IRF2: variants seen among roughly 807,000 people sequenced by gnomAD.
The protein encoded by IRF2 is interferon regulatory factor 2.
In IRF2, 15 loss-of-function variants were observed where a neutral mutation model predicts 40.6. That is an observed-to-expected ratio of 0.37 (90% confidence interval 0.25 to 0.57). The LOEUF is 0.57. Among genes scored for constraint, IRF2 ranks in the 20% least tolerant of loss-of-function variants. The pLI, the probability that IRF2 is intolerant of heterozygous loss-of-function variation, is 0.77. For missense variants in IRF2, 317 were observed against 455.7 expected (o/e 0.70, Z 2.77); for synonymous variants, 151 against 165.5 (o/e 0.91, Z 0.67).
chr4:184,389,686 GC>G (rs889285949), intron 8 of IRF2, among the ~76,000 whole-genome samples: 2 of 152,130 alleles, frequency 1.3e-5, no homozygotes, highest in African/African-American at 4.8e-5. Flanking sequence ...GAAGGCAGCA[GC>G]TTGGTTTCTG....
chr4:184,407,819 C>G (rs17488073), intron 6 of IRF2, among the ~76,000 whole-genome samples: 15,239 of 152,284 alleles, frequency 0.1, 1,056 homozygotes, highest in Non-Finnish European at 0.15. Flanking sequence ...ACCATCTTCC[C>G]TCTCCTTGGT....
At chr4:184,449,959 G>T (rs1433886124) in intron 1 of IRF2, among the ~76,000 whole-genome samples, 1 of 152,204 alleles carries the variant, frequency 6.6e-6, no homozygotes, top group Non-Finnish European at 1.5e-5. Context: ...ACACCAGGAT[G>T]TGAGAAGCCT....
chr4:184,439,444 T>A (rs1024490718), intron 1 of IRF2, among the ~76,000 whole-genome samples: 1 of 151,798 alleles, frequency 6.6e-6, no homozygotes, highest in Non-Finnish European at 1.5e-5. Flanking sequence ...CAATTAAGTA[T>A]GAAAATCACT....
intron 1 of IRF2, among the ~76,000 whole-genome samples, chr4:184,452,770 CAAAAAAAAAAA>C (rs530415114): frequency 1.9e-4 from 10 of 53,828 alleles, no homozygotes; most frequent in African/African-American, 3.9e-4. Flanking sequence ...GACCCTGTCT[CAAAAAAAAAAA>C]AAAAAAAAAA....
intron 7 of IRF2, among the ~76,000 whole-genome samples, chr4:184,398,376 G>GC (rs968657817): frequency 3.3e-5 from 5 of 152,156 alleles, no homozygotes; most frequent in African/African-American, 7.2e-5. Context: ...GTTATGGGAG[G>GC]CCAGGCACTG....
At chr4:184,459,472 G>C (rs924476264) in intron 1 of IRF2, among the ~76,000 whole-genome samples, 1 of 152,088 alleles carries the variant, frequency 6.6e-6, no homozygotes, top group African/African-American at 2.4e-5. Flanking sequence ...TTACCCATGC[G>C]CTCTGATTTA....
intron 1 of IRF2, among the ~76,000 whole-genome samples, chr4:184,440,617 G>C (rs1033434996): frequency 6.6e-6 from 1 of 152,246 alleles, no homozygotes; most frequent in Non-Finnish European, 1.5e-5. Context: ...TGAGCTCTCA[G>C]AGTCTCTGCC....
chr4:184,398,835 G>T (rs973672339), intron 7 of IRF2, 80 bp downstream of exon 7: 1 of 1,285,166 alleles, frequency 7.8e-7, no homozygotes, highest in Non-Finnish European at 1.1e-6. Context: ...TGCTCCGTGG[G>T]GTGGTGAGAT....
Position 184,424,902 on chromosome 4 carries a change from G to T in IRF2, c.87+4076C>A, listed in dbSNP as rs76827974. On this transcript the variant is annotated intron_variant, in intron 2 of 8. Coordinates refer to ENST00000393593, the MANE Select transcript of IRF2 (RefSeq NM_002199.4). ...GTCCATAAATCTGATTATCTTAACA[G>T]AACAAAAACACCACCAATGTTGCTC... Among the ~76,000 whole-genome samples, 45 of 152,300 alleles carry T rather than the reference G, an allele frequency of 3.0e-4. No individual in the cohort carries two copies. The East Asian group carries it at 8.7e-3, about 29-fold the overall frequency.
chr4:184,392,523 C>T (rs1736294998), intron 7 of IRF2, among the ~76,000 whole-genome samples: 1 of 152,230 alleles, frequency 6.6e-6, no homozygotes, highest in South Asian at 2.1e-4. Context: ...CGCAGAAGAG[C>T]TCTTATGCTC....
intron 1 of IRF2, among the ~76,000 whole-genome samples, chr4:184,431,682 G>C (rs1737884708): frequency 1.3e-5 from 2 of 152,182 alleles, no homozygotes; most frequent in Admixed American, 6.5e-5. Flanking sequence ...GAGAGCAACA[G>C]ACGCCAGTTC....
At chr4:184,450,024 C>G (rs1738659884) in intron 1 of IRF2, among the ~76,000 whole-genome samples, 1 of 152,170 alleles carries the variant, frequency 6.6e-6, no homozygotes, top group South Asian at 2.1e-4. Context: ...TATTCAAAAT[C>G]TTGGGGCCAG....
intron 1 of IRF2, among the ~76,000 whole-genome samples, chr4:184,436,935 G>C (rs1229783288): frequency 3.3e-5 from 5 of 152,084 alleles, no homozygotes; most frequent in Admixed American, 1.3e-4. Context: ...ACCCAGACTA[G>C]AGTGCAGTGG....
At chr4:184,417,613 A>G (rs2149899688) in intron 5 of IRF2, among the ~76,000 whole-genome samples, 1 of 152,324 alleles carries the variant, frequency 6.6e-6, no homozygotes, top group South Asian at 2.1e-4. Flanking sequence ...ACACATGCAC[A>G]TCCCATGGAA....
intron 6 of IRF2, chr4:184,407,204 G>A (rs1361307539): frequency 2.3e-6 from 3 of 1,289,440 alleles, no homozygotes; most frequent in East Asian, 1.1e-4. Context: ...GCGGAGGCCT[G>A]TCAGGACAAT....
intron 1 of IRF2, among the ~76,000 whole-genome samples, chr4:184,451,393 T>C (rs1738709933): frequency 6.6e-6 from 1 of 152,188 alleles, no homozygotes; most frequent in Non-Finnish European, 1.5e-5. Flanking sequence ...GTGAGAGCAA[T>C]GACTATTCAC....
intron 1 of IRF2, among the ~76,000 whole-genome samples, chr4:184,458,989 A>G (rs1215911050): frequency 6.6e-6 from 1 of 152,106 alleles, no homozygotes; most frequent in Non-Finnish European, 1.5e-5. Flanking sequence ...TCCACTCAGT[A>G]ATACTATTGA....
chr4:184,457,772 G>A (rs1458445163), intron 1 of IRF2, among the ~76,000 whole-genome samples: 3 of 151,924 alleles, frequency 2.0e-5, no homozygotes, highest in Non-Finnish European at 2.9e-5. Context: ...GCTGCGACAC[G>A]CCCTGCTGCT....
At chr4:184,419,150 C>G (rs558078602) in intron 3 of IRF2, among the ~76,000 whole-genome samples, 1 of 152,128 alleles carries the variant, frequency 6.6e-6, no homozygotes. Flanking sequence ...TTCTGACTAC[C>G]TTTTTGGGGG....
Sources: gnomAD v4.1 joint callset for allele counts (sites outside exome capture counted in the v4.1 genomes callset) on GRCh38, gnomAD v4.1.1 for gene constraint, MANE v1.5 for transcripts, NCBI Gene and HGNC (gene_info 2026-07-23, HGNC 2026-07-21) for gene names.